The following ARMH4 variants were observed in gnomAD, a reference collection of about 807,000 sequenced individuals.
ARMH4 encodes the protein armadillo-like helical domain-containing protein 4.
In ARMH4, 49 loss-of-function variants were observed where a neutral mutation model predicts 61.9. The ratio of observed to expected loss-of-function variants is 0.79; its 90% CI spans 0.63 to 1.00. ARMH4 has a LOEUF of 1.00. Ranked by LOEUF, ARMH4 falls within the 50% of genes least tolerant of loss-of-function variation. The pLI, the probability that ARMH4 is intolerant of heterozygous loss-of-function variation, is 0.00. For synonymous variants in ARMH4, 368 were observed against 341.5 expected, an observed-to-expected ratio of 1.08 and a Z score of -0.85; for missense variants, 934 against 930.0, an observed-to-expected ratio of 1.00 and a Z score of -0.06.
chr14:58,047,727 A>C (rs542383414), intron 5 of ARMH4, among the ~76,000 whole-genome samples: 2 of 152,330 alleles, frequency 1.3e-5, no homozygotes, highest in East Asian at 3.9e-4. Flanking sequence ...AGAAGTAAGA[A>C]TCTGAGGCAA....
chr14:58,112,558 T>C (rs1204057599), intron 4 of ARMH4, among the ~76,000 whole-genome samples: 1 of 152,216 alleles, frequency 6.6e-6, no homozygotes, highest in Admixed American at 6.5e-5. Flanking sequence ...TTAGAAATTA[T>C]ATTTTATACA....
intron 5 of ARMH4, among the ~76,000 whole-genome samples, chr14:58,077,388 G>C (rs1483644363): frequency 6.6e-6 from 1 of 152,176 alleles, no homozygotes; most frequent in Non-Finnish European, 1.5e-5. Flanking sequence ...AGGATGGCTT[G>C]AGCCCAGGAG....
intron 1 of ARMH4, among the ~76,000 whole-genome samples, chr14:58,146,941 G>A (rs1887750162): frequency 6.6e-6 from 1 of 152,194 alleles, no homozygotes; most frequent in Non-Finnish European, 1.5e-5. Flanking sequence ...CAAGACACAG[G>A]AGGGCTGTAG....
chr14:58,144,822 C>T (rs949248489), intron 1 of ARMH4, among the ~76,000 whole-genome samples: 1 of 151,936 alleles, frequency 6.6e-6, no homozygotes, highest in Admixed American at 6.6e-5. Flanking sequence ...GAGCCAAGAT[C>T]GCACCACTGC....
At chr14:58,136,335 A>G (rs1183845668) in intron 2 of ARMH4, among the ~76,000 whole-genome samples, 2 of 152,186 alleles carry the variant, frequency 1.3e-5, no homozygotes, top group Non-Finnish European at 2.9e-5. Flanking sequence ...GCAGTGAACA[A>G]TCTGGGGCTA....
intron 4 of ARMH4, among the ~76,000 whole-genome samples, chr14:58,118,693 T>C (rs1886618749): frequency 6.6e-6 from 1 of 152,170 alleles, no homozygotes; most frequent in African/African-American, 2.4e-5. Context: ...AGAAACTCAT[T>C]AGTGAAGATC....
rs1468999531 is a variant in ARMH4, at chr14:58,002,708, G to T, written c.*2028C>A. The T allele has an allele frequency of 3.9e-5, 6 of 152,172 alleles. No individual in the cohort carries two copies. Among genetic ancestry groups the T allele is most frequent in the Non-Finnish European group, 8.8e-5 (6 of 68,036 alleles). The allele number at this position is 152,172 out of a possible 1,614,324, so 9.4% of individuals were successfully genotyped here. A position where few individuals can be genotyped will look rare whatever the true frequency, so the allele number is the denominator to read the frequency against. On this transcript the variant is annotated 3_prime_UTR_variant, in exon 8 of 8. Transcript: ENST00000267485. ...AACCTTAGAAACACTTACAGCAAAG[G>T]GCTGCTCTTAGAAAAGGAAAACATC...
At chr14:58,062,690 C>A (rs1884570904) in intron 5 of ARMH4, among the ~76,000 whole-genome samples, 1 of 152,200 alleles carries the variant, frequency 6.6e-6, no homozygotes, top group Admixed American at 6.5e-5. Flanking sequence ...GAGATAGGCC[C>A]ATTTTACTGA....
In ARMH4 at chr14:58,132,116, G is replaced by A. The variant is rs1887129818; in HGVS notation, c.1622-395C>T. ...GATCGAGTGTCTTTCTCAAAATCAA[G>A]TCATAGAGTAAGAGCCTAGATCTGG... On this transcript the variant is annotated intron_variant, in intron 3 of 7. Transcript: ENST00000267485. Among the ~76,000 whole-genome samples the A allele has an allele frequency of 2.0e-5, 3 of 152,132 alleles. No homozygotes were observed. In the South Asian group the frequency reaches 6.2e-4, roughly 32 times the overall value.
In ARMH4 at chr14:58,001,487, T is replaced by G. The variant is rs1476209474; in HGVS notation, c.*3249A>C. 1 of 152,182 alleles carries G rather than the reference T, an allele frequency of 6.6e-6. No individual in the cohort carries two copies. Among genetic ancestry groups the G allele is most frequent in the Non-Finnish European group, 1.5e-5 (1 of 68,034 alleles). The allele number at this position is 152,182 out of a possible 1,614,324, so 9.4% of individuals were successfully genotyped here. ...TTTTTTGAGGAATCTTCATACTGTT[T>G]TCCACAGTGGCTATCCATTTTACAT... On this transcript the variant is annotated 3_prime_UTR_variant, in exon 8 of 8. Coordinates refer to ENST00000267485, the MANE Select transcript of ARMH4 (RefSeq NM_001001872.4).
intron 5 of ARMH4, among the ~76,000 whole-genome samples, chr14:58,025,085 G>A (rs542268347): frequency 6.6e-6 from 1 of 152,284 alleles, no homozygotes; most frequent in East Asian, 1.9e-4. Context: ...CAGACTGGTT[G>A]AGTGCAGGTT....
chr14:58,139,782 A>C (rs151050202), intron 1 of ARMH4, among the ~76,000 whole-genome samples: 3 of 152,386 alleles, frequency 2.0e-5, no homozygotes, highest in African/African-American at 4.8e-5. Context: ...AACATGTCCA[A>C]GAAATAAAAA....
chr14:58,077,960 G>A (rs1420732748), intron 5 of ARMH4, among the ~76,000 whole-genome samples: 3 of 152,218 alleles, frequency 2.0e-5, no homozygotes, highest in Non-Finnish European at 4.4e-5. Flanking sequence ...GTGTACCCAT[G>A]TAGACTCAAT....
intron 3 of ARMH4, among the ~76,000 whole-genome samples, chr14:58,132,206 A>G (rs1887132929): frequency 6.6e-6 from 1 of 152,236 alleles, no homozygotes. Context: ...CAGAGACTCT[A>G]GAACAGCAGT....
intron 5 of ARMH4, among the ~76,000 whole-genome samples, chr14:58,046,437 C>T (rs1176313529): frequency 6.6e-6 from 1 of 152,162 alleles, no homozygotes; most frequent in East Asian, 1.9e-4. Context: ...CTCATTAATG[C>T]TTGCTACTCC....
intron 5 of ARMH4, among the ~76,000 whole-genome samples, chr14:58,023,251 C>T (rs960801125): frequency 6.6e-6 from 1 of 152,170 alleles, no homozygotes; most frequent in Non-Finnish European, 1.5e-5. Flanking sequence ...GAAATTCTTT[C>T]AAAACTAGAG....
intron 5 of ARMH4, 84 bp downstream of exon 5, chr14:58,096,640 A>G: frequency 6.8e-7 from 1 of 1,464,882 alleles, no homozygotes; most frequent in South Asian, 1.3e-5. Flanking sequence ...TCTTTACAAT[A>G]GATGGCAATG....
chr14:58,029,235 C>CT (rs760032303), intron 5 of ARMH4, among the ~76,000 whole-genome samples: 213 of 144,994 alleles, frequency 1.5e-3, no homozygotes, highest in Middle Eastern at 3.6e-3. Flanking sequence ...CTTAGCATAA[C>CT]TTTTTTTTTT....
intron 5 of ARMH4, among the ~76,000 whole-genome samples, chr14:58,055,337 A>C (rs1246160860): frequency 6.6e-6 from 1 of 152,236 alleles, no homozygotes; most frequent in African/African-American, 2.4e-5. Flanking sequence ...ATGAAACAGC[A>C]TTCAGTTAGA....
Sources: gnomAD v4.1 joint callset for allele counts (sites outside exome capture counted in the v4.1 genomes callset) on GRCh38, gnomAD v4.1.1 for gene constraint, MANE v1.5 for transcripts, NCBI Gene and HGNC (gene_info 2026-07-23, HGNC 2026-07-21) for gene names.